Variants in FCHSD2 observed in about 807,000 individuals in gnomAD.
FCHSD2 encodes the protein F-BAR and double SH3 domains protein 2.
Under a neutral mutation model 108.1 loss-of-function variants are expected in FCHSD2, and 38 were observed. The observed-to-expected ratio is 0.35, with a 90% CI of 0.27 to 0.46. The LOEUF (loss-of-function observed/expected upper bound fraction) is 0.46. Among genes scored for constraint, FCHSD2 ranks in the 20% least tolerant of loss-of-function variants. The probability of loss-of-function intolerance (pLI) is 1.00; values close to 1 mark genes in which losing one functional copy is unlikely to be tolerated. For synonymous variants in FCHSD2, 279 were observed against 314.7 expected (o/e 0.89, Z 1.20); for missense variants, 751 against 897.8 (o/e 0.84, Z 2.09).
chr11:72,955,203 C>T (rs1048190612), intron 8 of FCHSD2, among the ~76,000 whole-genome samples: 3 of 152,176 alleles, frequency 2.0e-5, no homozygotes, highest in Admixed American at 1.3e-4. Flanking sequence ...TAAAAATTGG[C>T]GTTCCTATGA....
At chr11:72,976,352 C>T (rs947482066) in intron 8 of FCHSD2, among the ~76,000 whole-genome samples, 1 of 152,056 alleles carries the variant, frequency 6.6e-6, no homozygotes, top group African/African-American at 2.4e-5. Context: ...AGTGCTGTGG[C>T]AGGATCATAG....
chr11:73,086,171 G>C (rs893816149), intron 2 of FCHSD2, among the ~76,000 whole-genome samples: 1 of 152,236 alleles, frequency 6.6e-6, no homozygotes, highest in Non-Finnish European at 1.5e-5. Context: ...ACTTTTGAGA[G>C]ATAGAGGTGG....
At chr11:72,910,439 AAAG>A (rs1855739359) in intron 9 of FCHSD2, among the ~76,000 whole-genome samples, 1 of 152,186 alleles carries the variant, frequency 6.6e-6, no homozygotes, top group Admixed American at 6.5e-5. Flanking sequence ...GTCTGTGTAG[AAAG>A]AAGTAGACAT....
chr11:73,123,057 G>A (rs1860771136), intron 2 of FCHSD2, among the ~76,000 whole-genome samples: 2 of 151,988 alleles, frequency 1.3e-5, no homozygotes. Context: ...AAGATACATA[G>A]GTGAAGGATA....
At chr11:73,105,824 A>C (rs1860329446) in intron 2 of FCHSD2, among the ~76,000 whole-genome samples, 1 of 152,226 alleles carries the variant, frequency 6.6e-6, no homozygotes, top group African/African-American at 2.4e-5. Context: ...GGTCTATGGC[A>C]GAATTAACCA....
At chr11:73,026,459 A>AT (rs1358995887) in intron 3 of FCHSD2, among the ~76,000 whole-genome samples, 1 of 152,230 alleles carries the variant, frequency 6.6e-6, no homozygotes, top group Admixed American at 6.5e-5. Flanking sequence ...ATAACATCAT[A>AT]TCATATACCT....
At chr11:73,127,401 A>C (rs1320782872) in intron 2 of FCHSD2, among the ~76,000 whole-genome samples, 2 of 152,244 alleles carry the variant, frequency 1.3e-5, no homozygotes, top group Non-Finnish European at 2.9e-5. Flanking sequence ...CTCCCGATCA[A>C]CACTGACAGA....
At chr11:72,939,059 G>A (rs1856361533) in intron 8 of FCHSD2, among the ~76,000 whole-genome samples, 1 of 151,936 alleles carries the variant, frequency 6.6e-6, no homozygotes, top group African/African-American at 2.4e-5. Context: ...TACTTTTTTG[G>A]GGGTATATGG....
intron 8 of FCHSD2, among the ~76,000 whole-genome samples, chr11:72,938,202 A>G: frequency 2.7e-5 from 2 of 74,626 alleles, no homozygotes; most frequent in African/African-American, 6.3e-5. Flanking sequence ...TTTTTTTTTG[A>G]GACGGAGTTT....
chr11:72,843,613 G>A lies in FCHSD2; in HGVS notation c.1444-81C>T, dbSNP rs74697501. 1,567 of 862,088 alleles carry A rather than the reference G, an allele frequency of 1.8e-3. 5 individuals carry two copies. The highest frequency in any genetic ancestry group is 2.5e-3 in the Non-Finnish European group (1,335 of 523,712). 53.4% of individuals were successfully genotyped at this position (862,088 alleles called of 1,614,324 possible). ...TGAGCTGATCATGACAAAAACTGGG[G>A]ATCAAAATATTGAAATGATTTTGAG... On this transcript the variant is annotated intron_variant, in intron 14 of 19. Coordinates refer to ENST00000409418, the MANE Select transcript of FCHSD2 (RefSeq NM_014824.3).
intron 3 of FCHSD2, among the ~76,000 whole-genome samples, chr11:73,022,170 ATGG>A (rs1262939510): frequency 6.6e-6 from 1 of 152,200 alleles, no homozygotes; most frequent in African/African-American, 2.4e-5. Context: ...CATACTTTTA[ATGG>A]TGAGTGAATG....
intron 9 of FCHSD2, among the ~76,000 whole-genome samples, chr11:72,913,683 C>G (rs547088835): frequency 6.6e-6 from 1 of 152,200 alleles, no homozygotes; most frequent in Admixed American, 6.5e-5. Flanking sequence ...TTTTTCACTT[C>G]TGATTTTATT....
At chr11:72,933,770 C>A (rs1271530534) in intron 8 of FCHSD2, among the ~76,000 whole-genome samples, 1 of 152,124 alleles carries the variant, frequency 6.6e-6, no homozygotes, top group Non-Finnish European at 1.5e-5. Flanking sequence ...ATTGCAAATA[C>A]AATCCAAAAG....
At chr11:72,919,641 A>G (rs1044545432) in intron 9 of FCHSD2, among the ~76,000 whole-genome samples, 8 of 152,192 alleles carry the variant, frequency 5.3e-5, no homozygotes, top group Non-Finnish European at 8.8e-5. Context: ...GTAAAATATT[A>G]GCTATCTGTT....
chr11:72,955,376 G>A (rs931274293), intron 8 of FCHSD2, among the ~76,000 whole-genome samples: 3 of 152,154 alleles, frequency 2.0e-5, no homozygotes, highest in Non-Finnish European at 4.4e-5. Context: ...GGCATGTGAG[G>A]CTTCCATGCC....
At chr11:73,124,526 T>C (rs548123507) in intron 2 of FCHSD2, among the ~76,000 whole-genome samples, 1 of 151,888 alleles carries the variant, frequency 6.6e-6, no homozygotes, top group Admixed American at 6.6e-5. Flanking sequence ...GAGGCCAAGG[T>C]AGGTGGATCA....
At chr11:73,096,995 T>TTTTTTTTG (rs1860100597) in intron 2 of FCHSD2, among the ~76,000 whole-genome samples, 1 of 93,266 alleles carries the variant, frequency 1.1e-5, no homozygotes, top group African/African-American at 4.4e-5. Flanking sequence ...GGATTTTTTT[T>TTTTTTTTG]TTTTTTTTTT....
At chr11:72,861,966 C>T (rs1411936667) in intron 13 of FCHSD2, among the ~76,000 whole-genome samples, 1 of 151,718 alleles carries the variant, frequency 6.6e-6, no homozygotes, top group Admixed American at 6.6e-5. Context: ...ATATCATTAC[C>T]CAAGTGGGGT....
intron 3 of FCHSD2, among the ~76,000 whole-genome samples, chr11:73,020,706 A>C (rs1858080483): frequency 6.6e-6 from 1 of 152,038 alleles, no homozygotes; most frequent in Non-Finnish European, 1.5e-5. Flanking sequence ...TTACATAATA[A>C]ATTGTCTTTA....
Sources: gnomAD v4.1 joint callset for allele counts (sites outside exome capture counted in the v4.1 genomes callset) on GRCh38, gnomAD v4.1.1 for gene constraint, MANE v1.5 for transcripts, NCBI Gene and HGNC (gene_info 2026-07-23, HGNC 2026-07-21) for gene names.